The following FBXL13 variants were observed in gnomAD, a reference collection of about 807,000 sequenced individuals.
FBXL13 encodes the protein F-box and leucine-rich repeat protein 13.
FBXL13 carries 67 observed loss-of-function variants against 83.6 expected under a neutral mutation model. The ratio of observed to expected loss-of-function variants is 0.80; its 90% CI spans 0.66 to 0.98. The LOEUF is 0.98. FBXL13 is among the 50% of genes least tolerant of loss of function. The probability of loss-of-function intolerance (pLI) is 0.00; values close to 1 mark genes in which losing one functional copy is unlikely to be tolerated. For synonymous variants in FBXL13, 272 were observed against 299.5 expected (o/e 0.91, Z 0.95); for missense variants, 822 against 866.5 (o/e 0.95, Z 0.64).
intron 11 of FBXL13, among the ~76,000 whole-genome samples, chr7:102,894,807 T>G (rs78341305): frequency 3.3e-5 from 5 of 152,024 alleles, no homozygotes; most frequent in African/African-American, 1.2e-4. Context: ...CACTTTTCTT[T>G]CTGTAAATTT....
At chr7:103,066,673 G>A (rs993558754) in intron 1 of FBXL13, among the ~76,000 whole-genome samples, 2 of 152,076 alleles carry the variant, frequency 1.3e-5, no homozygotes, top group Admixed American at 6.5e-5. Context: ...GATTACAGGC[G>A]TGAGCCACTG....
chr7:102,973,361 C>T, intron 6 of FBXL13: 1 of 664,338 alleles, frequency 1.5e-6, no homozygotes, highest in Non-Finnish European at 2.8e-6. Context: ...GACACCTACC[C>T]TGGCCGGAAG....
At chr7:102,896,989 TAGTGGAGC>T (rs1185235630) in intron 11 of FBXL13, among the ~76,000 whole-genome samples, 1 of 151,972 alleles carries the variant, frequency 6.6e-6, no homozygotes, top group African/African-American at 2.4e-5. Flanking sequence ...GGGAGGGCTG[TAGTGGAGC>T]AAGGAGCAGG....
chr7:103,027,590 T>A (rs373019385), intron 4 of FBXL13, 32 bp from the exon 6 acceptor site: 187 of 1,386,878 alleles, frequency 1.3e-4, no homozygotes, highest in Non-Finnish European at 1.7e-4. Flanking sequence ...ACTGTATATA[T>A]TAATAGTTAT....
chr7:102,947,052 C>A (rs1417835562), intron 8 of FBXL13, among the ~76,000 whole-genome samples: 4 of 152,164 alleles, frequency 2.6e-5, no homozygotes. Context: ...CTTCTCCATG[C>A]AAATCCCTAC....
At chr7:102,841,250 T>G (rs1165144118) in intron 17 of FBXL13, among the ~76,000 whole-genome samples, 1 of 134,718 alleles carries the variant, frequency 7.4e-6, no homozygotes, top group Non-Finnish European at 1.6e-5. Flanking sequence ...AATCTGACAG[T>G]TTTTTTTTTT....
intron 10 of FBXL13, among the ~76,000 whole-genome samples, chr7:102,914,862 C>G (rs1436190303): frequency 6.6e-6 from 1 of 152,188 alleles, no homozygotes; most frequent in Non-Finnish European, 1.5e-5. Flanking sequence ...TTATCTTCCT[C>G]TCCCTGGGGT....
intron 11 of FBXL13, among the ~76,000 whole-genome samples, chr7:102,893,039 A>C (rs957446757): frequency 1.3e-5 from 2 of 152,212 alleles, no homozygotes; most frequent in African/African-American, 4.8e-5. Context: ...AACTGTTTCC[A>C]ATTCATTTTG....
intron 6 of FBXL13, among the ~76,000 whole-genome samples, chr7:103,007,979 G>C (rs552193290): frequency 2.0e-4 from 31 of 152,250 alleles, no homozygotes; most frequent in African/African-American, 7.2e-4. Flanking sequence ...AGTGGGAAAA[G>C]GAAGGCAATG....
intron 6 of FBXL13, among the ~76,000 whole-genome samples, chr7:103,008,300 C>T (rs1228279109): frequency 1.3e-5 from 2 of 152,120 alleles, no homozygotes; most frequent in Non-Finnish European, 2.9e-5. Flanking sequence ...CAACCAATTG[C>T]AACATATGAA....
intron 16 of FBXL13, among the ~76,000 whole-genome samples, chr7:102,858,217 C>T (rs142689913): frequency 2.3e-4 from 35 of 152,318 alleles, no homozygotes; most frequent in African/African-American, 3.8e-4. Context: ...ATAAATACCA[C>T]ATGTCCTCAC....
chr7:102,932,797 C>T (rs1307762737), intron 8 of FBXL13, among the ~76,000 whole-genome samples: 5 of 151,934 alleles, frequency 3.3e-5, no homozygotes, highest in African/African-American at 2.4e-5. Flanking sequence ...TTTGTAGAGA[C>T]GGGGTTTCCC....
chr7:102,969,770 C>T (rs546782702), intron 6 of FBXL13, among the ~76,000 whole-genome samples: 14 of 133,642 alleles, frequency 1.0e-4, no homozygotes, highest in African/African-American at 4.0e-4. Context: ...TGCACTCCAG[C>T]CTGGGCAATA....
chr7:102,818,999 C>CTG (rs1382236499), intron 19 of FBXL13, among the ~76,000 whole-genome samples: 1 of 152,074 alleles, frequency 6.6e-6, no homozygotes, highest in African/African-American at 2.4e-5. Flanking sequence ...TCCCATCCAT[C>CTG]TGTCCATGTG....
downstream of FBXL13, chr7:102,813,178 A>C (rs1797552097): frequency 4.4e-6 from 3 of 677,182 alleles, no homozygotes; most frequent in Admixed American, 3.3e-5. Flanking sequence ...AGACAGAAGA[A>C]CTACTGATGT....
intron 6 of FBXL13, among the ~76,000 whole-genome samples, chr7:102,979,643 T>C (rs573180230): frequency 6.6e-6 from 1 of 152,332 alleles, no homozygotes; most frequent in South Asian, 2.1e-4. Flanking sequence ...GAGGCTTTAA[T>C]TGTATGTTAT....
Position 103,026,517 on chromosome 7 carries a change from G to T in FBXL13, c.327+932C>A, listed in dbSNP as rs559802824. ...GTAGAGCTGTTTCACTGGTAACATT[G>T]AAAAGGTAGTTTGCAAAAGGCAAAG... On this transcript the variant is annotated intron_variant, in intron 5 of 19. Transcript: ENST00000313221. 1.1e-3 allele frequency among the ~76,000 whole-genome samples: 163 copies of T among 152,256 alleles called. 4 individuals carry two copies. Among genetic ancestry groups the T allele is most frequent in the Admixed American group, 0.011 (161 of 15,288 alleles).
At chr7:102,884,631 C>T (rs1810550217) in intron 11 of FBXL13, among the ~76,000 whole-genome samples, 1 of 152,028 alleles carries the variant, frequency 6.6e-6, no homozygotes, top group South Asian at 2.1e-4. Flanking sequence ...GGCAACACAG[C>T]AAGACCCTGT....
rs1028527525 is a variant in FBXL13, at chr7:102,854,862, TA to T, written c.1636-3del. The T allele has an allele frequency of 1.3e-5, 19 of 1,486,860 alleles. No individual in the cohort carries two copies. Among genetic ancestry groups the T allele is most frequent in the Admixed American group, 1.3e-4 (7 of 54,912 alleles). 92.1% of individuals were successfully genotyped at this position (1,486,860 alleles called of 1,614,324 possible). A position where few individuals can be genotyped will look rare whatever the true frequency, so the allele number is the denominator to read the frequency against. ...ATGTCTGGAAAGCACATTCAAACCC[TA>T]AAAATATTTAATATAAAGATCATTT... On this transcript the variant is annotated splice_polypyrimidine_tract_variant and splice_region_variant and intron_variant, in intron 16 of 19. Transcript: ENST00000313221.
Sources: allele counts gnomAD v4.1 joint callset (sites outside exome capture counted in the v4.1 genomes callset), GRCh38; gene constraint gnomAD v4.1.1; transcripts MANE v1.5; gene names NCBI Gene and HGNC (gene_info 2026-07-23, HGNC 2026-07-21).